Variants in ANK3 observed in about 807,000 individuals in gnomAD.
The protein encoded by ANK3 is ankyrin-3.
A neutral mutation model predicts 370.9 loss-of-function variants in ANK3; 57 were observed. That is an observed-to-expected ratio of 0.15 (90% confidence interval 0.12 to 0.19). ANK3 has a LOEUF of 0.19. ANK3 is among the 10% of genes least tolerant of loss of function. The pLI is 1.00. For synonymous variants in ANK3, 1,929 were observed against 1,946.3 expected (o/e 0.99, Z 0.23); for missense variants, 4,439 against 5,302.1 (o/e 0.84, Z 5.06).
intron 2 of ANK3, among the ~76,000 whole-genome samples, chr10:60,492,706 CAAAAA>C (rs764367710): frequency 3.5e-5 from 2 of 57,504 alleles, no homozygotes; most frequent in African/African-American, 1.5e-4. Context: ...GACTCTGTCT[CAAAAA>C]AAAAAAAAAA....
At chr10:60,658,283 T>C (rs1188998406) in intron 1 of ANK3, among the ~76,000 whole-genome samples, 1 of 152,084 alleles carries the variant, frequency 6.6e-6, no homozygotes. Context: ...TTGTTTTCTA[T>C]TAATCAAGTA....
chr10:60,698,732 T>C (rs1305299833), intron 1 of ANK3, among the ~76,000 whole-genome samples: 2 of 106,732 alleles, frequency 1.9e-5, no homozygotes, highest in Admixed American at 1.3e-4. Flanking sequence ...AAGGGGAACA[T>C]CACACTCTGG....
At chr10:60,385,817 G>A (rs745906061) in intron 1 of ANK3, among the ~76,000 whole-genome samples, 1 of 152,032 alleles carries the variant, frequency 6.6e-6, no homozygotes, top group African/African-American at 2.4e-5. Context: ...CAAATTTTTT[G>A]ACAGGACTTG....
At chr10:60,293,913 A>G (rs1307065785) in intron 1 of ANK3, among the ~76,000 whole-genome samples, 1 of 152,232 alleles carries the variant, frequency 6.6e-6, no homozygotes, top group Admixed American at 6.6e-5. Flanking sequence ...GGTAGATTAT[A>G]TAAAACATGA....
intron 23 of ANK3, among the ~76,000 whole-genome samples, chr10:60,143,927 G>A (rs564996762): frequency 6.6e-6 from 1 of 152,296 alleles, no homozygotes; most frequent in South Asian, 2.1e-4. Context: ...ATATGGAGAG[G>A]CTGCTTAGAA....
chr10:60,166,516 T>G, intron 23 of ANK3, 75 bp downstream of exon 23: 2 of 1,145,136 alleles, frequency 1.7e-6, no homozygotes, highest in Admixed American at 3.9e-5. Context: ...AAGGAAATAT[T>G]ATATTTCAAA....
intron 1 of ANK3, among the ~76,000 whole-genome samples, chr10:60,345,438 G>A (rs1395194480): frequency 6.6e-5 from 10 of 152,066 alleles, no homozygotes; most frequent in Admixed American, 6.6e-4. Flanking sequence ...AAAGAGTACT[G>A]AAAGGGTAAT....
chr10:60,469,255 G>A (rs371865025), intron 2 of ANK3, among the ~76,000 whole-genome samples: 2 of 638 alleles, frequency 3.1e-3, no homozygotes, highest in African/African-American at 4.3e-3. Flanking sequence ...TTTAGTGTGT[G>A]TATATATATA....
intron 1 of ANK3, chr10:60,684,836 C>A: frequency 1.3e-6 from 2 of 1,511,440 alleles, no homozygotes; most frequent in Admixed American, 1.8e-5. Context: ...ATGGAAGAAG[C>A]CAAAACTGAA....
intron 18 of ANK3, among the ~76,000 whole-genome samples, chr10:60,180,594 C>CAAAAAAAAAAAAAAAAAAAAAAA (rs58386273): frequency 4.7e-5 from 3 of 63,422 alleles, no homozygotes; most frequent in African/African-American, 6.8e-5. Flanking sequence ...GACTCCGTCT[C>CAAAAAAAAAAAAAAAAAAAAAAA]AAAAAAAAAA....
At chr10:60,307,384 G>A (rs1275562885) in intron 1 of ANK3, among the ~76,000 whole-genome samples, 1 of 152,126 alleles carries the variant, frequency 6.6e-6, no homozygotes, top group East Asian at 1.9e-4. Context: ...CCAGGCCAGA[G>A]CGCAATGGCA....
intron 28 of ANK3, among the ~76,000 whole-genome samples, chr10:60,096,154 C>T (rs911315299): frequency 3.3e-5 from 5 of 151,938 alleles, no homozygotes; most frequent in African/African-American, 1.2e-4. Context: ...GCCTGGGTGA[C>T]ACAGCGAGAC....
chr10:60,534,601 A>G (rs1013826514), intron 2 of ANK3, among the ~76,000 whole-genome samples: 1 of 152,174 alleles, frequency 6.6e-6, no homozygotes, highest in African/African-American at 2.4e-5. Flanking sequence ...GAAGTCTGCA[A>G]CAACCTAAAT....
Position 60,150,583 on chromosome 10 carries a change from AG to A in ANK3, c.2615-11497del, listed in dbSNP as rs566818166. Among the ~76,000 whole-genome samples the A allele has an allele frequency of 3.3e-3, 499 of 152,186 alleles. 3 individuals are homozygous for A. Among genetic ancestry groups the A allele is most frequent in the Admixed American group, 4.2e-3 (64 of 15,294 alleles). ...GCCTTGTGGAAGGTATTTGGATCAT[AG>A]GGGCAGATCCCTCATGAATGGCTGG... is the stretch of plus-strand genomic sequence containing the variant. On this transcript the variant is annotated intron_variant, in intron 23 of 43. Coordinates refer to ENST00000280772, the MANE Select transcript of ANK3 (RefSeq NM_020987.5).
At chr10:60,054,078 A>C (rs1217860673) in intron 42 of ANK3, among the ~76,000 whole-genome samples, 1 of 152,246 alleles carries the variant, frequency 6.6e-6, no homozygotes, top group Non-Finnish European at 1.5e-5. Flanking sequence ...TCTTTATGCC[A>C]ATGGCCAATA....
chr10:60,233,593 A>T (rs1204688878), intron 8 of ANK3, among the ~76,000 whole-genome samples: 2 of 152,022 alleles, frequency 1.3e-5, no homozygotes, highest in African/African-American at 4.8e-5. Flanking sequence ...CACCACTACC[A>T]GTTAATTTTG....
intron 16 of ANK3, among the ~76,000 whole-genome samples, chr10:60,195,378 C>T (rs543231454): frequency 8.5e-4 from 121 of 142,356 alleles, no homozygotes; most frequent in East Asian, 7.1e-3. Flanking sequence ...AGCTAGTCTC[C>T]GTCTCCCTCC....
At chr10:60,304,202 C>T (rs1419486990) in intron 1 of ANK3, among the ~76,000 whole-genome samples, 2 of 151,360 alleles carry the variant, frequency 1.3e-5, no homozygotes. Context: ...ATATAGTTAA[C>T]CATGCTTTAT....
At chr10:60,470,980 C>T (rs887825831) in intron 2 of ANK3, among the ~76,000 whole-genome samples, 1 of 152,038 alleles carries the variant, frequency 6.6e-6, no homozygotes, top group Non-Finnish European at 1.5e-5. Context: ...TGTCTTTTAT[C>T]TCCCCTGGTG....
Sources: gnomAD v4.1 joint callset for allele counts (sites outside exome capture counted in the v4.1 genomes callset) on GRCh38, gnomAD v4.1.1 for gene constraint, MANE v1.5 for transcripts, NCBI Gene and HGNC (gene_info 2026-07-23, HGNC 2026-07-21) for gene names.